Variants in RAP1GDS1 observed in about 807,000 individuals in gnomAD.
RAP1GDS1 encodes Rap1 GTPase-GDP dissociation stimulator 1.
In RAP1GDS1, 35 loss-of-function variants were observed where a neutral mutation model predicts 71.1. The observed-to-expected ratio is 0.49, with a 90% CI of 0.38 to 0.65. RAP1GDS1 has a LOEUF of 0.65. RAP1GDS1 is among the 30% of genes least tolerant of loss of function. The probability of loss-of-function intolerance (pLI) is 0.00; values close to 1 mark genes in which losing one functional copy is unlikely to be tolerated. For missense variants in RAP1GDS1, 663 were observed against 706.1 expected (o/e 0.94, Z 0.69); for synonymous variants, 229 against 243.1 (o/e 0.94, Z 0.54).
intron 2 of RAP1GDS1, among the ~76,000 whole-genome samples, chr4:98,328,231 A>T (rs181335344): frequency 8.1e-4 from 123 of 152,340 alleles, no homozygotes; most frequent in African/African-American, 2.9e-3. Context: ...TGATACAAAA[A>T]GATCTCTTAG....
chr4:98,331,177 T>G (rs1578472083), intron 2 of RAP1GDS1, among the ~76,000 whole-genome samples: 1 of 152,134 alleles, frequency 6.6e-6, no homozygotes, highest in East Asian at 1.9e-4. Context: ...GTGCCTGCAA[T>G]CCCAGGCACT....
intron 6 of RAP1GDS1, among the ~76,000 whole-genome samples, chr4:98,402,207 G>A (rs1227639340): frequency 6.6e-6 from 1 of 152,100 alleles, no homozygotes; most frequent in Non-Finnish European, 1.5e-5. Context: ...GAGTAGCTGG[G>A]ACTATAGGTG....
intron 5 of RAP1GDS1, among the ~76,000 whole-genome samples, chr4:98,388,599 G>A (rs1473345808): frequency 6.6e-6 from 1 of 152,118 alleles, no homozygotes; most frequent in Non-Finnish European, 1.5e-5. Context: ...GGTGGCAGGG[G>A]CCTATAATCC....
At chr4:98,314,013 C>G (rs1424048792) in intron 2 of RAP1GDS1, among the ~76,000 whole-genome samples, 3 of 152,032 alleles carry the variant, frequency 2.0e-5, no homozygotes, top group African/African-American at 4.8e-5. Context: ...TGAGGTGAGT[C>G]CATTTTAGAT....
intron 3 of RAP1GDS1, among the ~76,000 whole-genome samples, chr4:98,352,154 C>T (rs1737299653): frequency 6.6e-6 from 1 of 151,954 alleles, no homozygotes; most frequent in African/African-American, 2.4e-5. Flanking sequence ...ACACATATTG[C>T]TTCCAAAGCA....
chr4:98,316,540 G>A lies in RAP1GDS1; in HGVS notation c.112+23025G>A, dbSNP rs191309072. On this transcript the variant is annotated intron_variant, in intron 2 of 14. Coordinates refer to ENST00000408927, the MANE Select transcript of RAP1GDS1 (RefSeq NM_001100427.2). ...GTTCAGGATGATGGCAGGAGTTGAAGGGGAGAGGCAAACTGGGAGTAAGCT... is the reference window on the plus strand; with the variant it reads ...GTTCAGGATGATGGCAGGAGTTGAAAGGGAGAGGCAAACTGGGAGTAAGCT... Among the ~76,000 whole-genome samples, 551 of 152,202 alleles carry A rather than the reference G, an allele frequency of 3.6e-3. 2 individuals are homozygous for A. Among genetic ancestry groups the A allele is most frequent in the Middle Eastern group, 0.014 (4 of 292 alleles).
At chr4:98,409,074 CTCAT>C (rs1362206344) in intron 7 of RAP1GDS1, among the ~76,000 whole-genome samples, 3 of 152,056 alleles carry the variant, frequency 2.0e-5, no homozygotes, top group Admixed American at 6.6e-5. Flanking sequence ...CAATAAAACT[CTCAT>C]TCATTTATGA....
intron 2 of RAP1GDS1, chr4:98,296,853 C>A: frequency 5.6e-6 from 2 of 355,796 alleles, no homozygotes; most frequent in East Asian, 1.0e-4. Flanking sequence ...ATTAAAGTCC[C>A]AAAGGCAAGA....
intron 2 of RAP1GDS1, among the ~76,000 whole-genome samples, chr4:98,294,138 C>T (rs1727377627): frequency 6.6e-6 from 1 of 151,922 alleles, no homozygotes; most frequent in Admixed American, 6.6e-5. Context: ...TATTTCTAGT[C>T]ACTAATTTCT....
chr4:98,269,156 TAC>T (rs1387773352), intron 1 of RAP1GDS1, among the ~76,000 whole-genome samples: 2 of 115,878 alleles, frequency 1.7e-5, no homozygotes, highest in Non-Finnish European at 3.4e-5. Context: ...CCCAAGAATT[TAC>T]AGTCAATTGA....
intron 4 of RAP1GDS1, among the ~76,000 whole-genome samples, chr4:98,352,953 G>GT (rs1737432743): frequency 6.6e-6 from 1 of 152,142 alleles, no homozygotes; most frequent in Non-Finnish European, 1.5e-5. Context: ...TATGGACACA[G>GT]TTTTTTAAAG....
intron 4 of RAP1GDS1, among the ~76,000 whole-genome samples, chr4:98,360,037 G>C: frequency 6.6e-6 from 1 of 152,006 alleles, no homozygotes; most frequent in Non-Finnish European, 1.5e-5. Context: ...TTCCATTTTT[G>C]TACTTGGTAT....
At chr4:98,380,513 A>G (rs1243135876) in intron 5 of RAP1GDS1, among the ~76,000 whole-genome samples, 1 of 151,850 alleles carries the variant, frequency 6.6e-6, no homozygotes, top group African/African-American at 2.4e-5. Context: ...GGTAGTCTTC[A>G]TAGGATAAGT....
intron 2 of RAP1GDS1, among the ~76,000 whole-genome samples, chr4:98,317,374 A>G (rs1465543488): frequency 6.6e-6 from 1 of 152,188 alleles, no homozygotes; most frequent in Non-Finnish European, 1.5e-5. Flanking sequence ...TTAGGCTGCT[A>G]TGTATTACTG....
chr4:98,326,603 C>T (rs2110355978), intron 2 of RAP1GDS1, among the ~76,000 whole-genome samples: 1 of 152,182 alleles, frequency 6.6e-6, no homozygotes, highest in South Asian at 2.1e-4. Flanking sequence ...TGTGTTTCTA[C>T]ATTTATTTAT....
In RAP1GDS1 at chr4:98,443,215, T is replaced by C; in HGVS notation, c.*1098T>C. 4.3e-6 allele frequency: 1 copy of C among 232,538 alleles called. No individual in the cohort carries two copies. Among genetic ancestry groups the C allele is most frequent in the Middle Eastern group, 1.3e-3 (1 of 780 alleles). 14.4% of individuals were successfully genotyped at this position (232,538 alleles called of 1,614,324 possible). A position where few individuals can be genotyped will look rare whatever the true frequency, so the allele number is the denominator to read the frequency against. ...TAGCCAGTCCAGTTCATTCTGCAGA[T>C]GGCCCCATACCAATCGCTGTTAGAG... On this transcript the variant is annotated 3_prime_UTR_variant, in exon 15 of 15. Coordinates refer to ENST00000408927, the MANE Select transcript of RAP1GDS1 (RefSeq NM_001100427.2).
intron 4 of RAP1GDS1, among the ~76,000 whole-genome samples, chr4:98,358,691 C>A (rs1346256923): frequency 6.6e-6 from 1 of 151,962 alleles, no homozygotes; most frequent in Non-Finnish European, 1.5e-5. Context: ...TTGTGGTACA[C>A]AAATCTGTAC....
chr4:98,356,738 A>G (rs574695305), intron 4 of RAP1GDS1, among the ~76,000 whole-genome samples: 2 of 152,176 alleles, frequency 1.3e-5, no homozygotes, highest in South Asian at 4.1e-4. Context: ...ATGATATGCT[A>G]TCATACATAA....
intron 1 of RAP1GDS1, among the ~76,000 whole-genome samples, chr4:98,286,223 C>G (rs953399231): frequency 6.6e-6 from 1 of 151,288 alleles, no homozygotes; most frequent in African/African-American, 2.4e-5. Context: ...CATTATTGTG[C>G]CACTGCACTC....
Sources: allele counts gnomAD v4.1 joint callset (sites outside exome capture counted in the v4.1 genomes callset), GRCh38; gene constraint gnomAD v4.1.1; transcripts MANE v1.5; gene names NCBI Gene and HGNC (gene_info 2026-07-23, HGNC 2026-07-21).